The following TCF4 variants were observed in gnomAD, a reference collection of about 807,000 sequenced individuals.
The protein encoded by TCF4 is transcription factor 4, also known as SL3-3 enhancer factor 2.
In TCF4, 3 loss-of-function variants were observed where a neutral mutation model predicts 82.1. The ratio of observed to expected loss-of-function variants is 0.04; its 90% CI spans 0.02 to 0.09. The LOEUF (loss-of-function observed/expected upper bound fraction) is 0.09, where lower values mean the gene tolerates loss of function less well. Among genes scored for constraint, TCF4 ranks in the 10% least tolerant of loss-of-function variants. The pLI is 1.00. For missense variants in TCF4, 518 were observed against 852.7 expected (o/e 0.61, Z 4.89); for synonymous variants, 276 against 309.6 (o/e 0.89, Z 1.14).
intron 5 of TCF4, among the ~76,000 whole-genome samples, chr18:55,455,617 C>T (rs545481470): frequency 3.3e-5 from 5 of 151,842 alleles, no homozygotes; most frequent in African/African-American, 4.8e-5. Context: ...CCTAATTTCG[C>T]TGCATTTAAA....
Position 55,223,946 on chromosome 18 carries a change from CA to C in TCF4, c.*4088del. 6.6e-6 allele frequency: 1 copy of C among 151,840 alleles called. No homozygotes were observed. The highest frequency in any genetic ancestry group is 6.6e-5 in the Admixed American group (1 of 15,258). 9.4% of individuals were successfully genotyped at this position (151,840 alleles called of 1,614,324 possible). ...TACTCATAATGATTCCAAAAATCTA[CA>C]AAGAAGAAATATTCAGAATCTGACA... is the stretch of plus-strand genomic sequence containing the variant. On this transcript the variant is annotated 3_prime_UTR_variant, in exon 20 of 20. Transcript: ENST00000354452.
At chr18:55,493,436 C>G (rs979454618) in intron 3 of TCF4, among the ~76,000 whole-genome samples, 1 of 152,044 alleles carries the variant, frequency 6.6e-6, no homozygotes, top group African/African-American at 2.4e-5. Context: ...ATTAACATGT[C>G]TTGAAACAAG....
chr18:55,257,420 A>G (rs1252455269), intron 13 of TCF4, 29 bp from the exon 14 acceptor site: 3 of 1,607,354 alleles, frequency 1.9e-6, no homozygotes, highest in Non-Finnish European at 2.6e-6. Flanking sequence ...TTACAATCAG[A>G]TCTAGACACA....
intron 2 of TCF4, among the ~76,000 whole-genome samples, chr18:55,598,285 G>A (rs932332818): frequency 1.9e-4 from 29 of 152,192 alleles, no homozygotes; most frequent in African/African-American, 6.8e-4. Flanking sequence ...AGATGAGAAG[G>A]CTAGAGAGTA....
chr18:55,403,353 T>C, intron 6 of TCF4, 101 bp downstream of exon 6: 1 of 1,338,662 alleles, frequency 7.5e-7, no homozygotes, highest in Non-Finnish European at 1.1e-6. Context: ...TGCCGGTGCA[T>C]CTTTGGTGTC....
chr18:55,272,306 C>G (rs1427212177), intron 10 of TCF4, among the ~76,000 whole-genome samples: 1 of 152,040 alleles, frequency 6.6e-6, no homozygotes, highest in African/African-American at 2.4e-5. Context: ...ATCTTGAAAA[C>G]TACTGTCATT....
intron 2 of TCF4, among the ~76,000 whole-genome samples, chr18:55,615,760 A>G (rs1297746260): frequency 6.6e-6 from 1 of 151,994 alleles, no homozygotes; most frequent in Non-Finnish European, 1.5e-5. Flanking sequence ...CATCAAATGA[A>G]TTTTCTTTAA....
chr18:55,596,544 T>TA (rs2097691118), intron 2 of TCF4, among the ~76,000 whole-genome samples: 1 of 152,234 alleles, frequency 6.6e-6, no homozygotes, highest in South Asian at 2.1e-4. Context: ...ATATGTCGAC[T>TA]AAAGTGTTAA....
intron 6 of TCF4, among the ~76,000 whole-genome samples, chr18:55,399,880 T>TCTCACACACA (rs1283846701): frequency 1.6e-5 from 1 of 63,468 alleles, no homozygotes; most frequent in Non-Finnish European, 2.9e-5. Context: ...TCTCTCTCTC[T>TCTCACACACA]CACACACACA....
At chr18:55,267,653 T>G (rs2059491626) in intron 11 of TCF4, 1 of 152,200 alleles carries the variant, frequency 6.6e-6, no homozygotes, top group Non-Finnish European at 1.5e-5. Context: ...TGCATAATAA[T>G]AAAGGTTTGC....
At chr18:55,429,934 G>A (rs552379955) in intron 5 of TCF4, among the ~76,000 whole-genome samples, 2 of 152,144 alleles carry the variant, frequency 1.3e-5, no homozygotes, top group African/African-American at 4.8e-5. Flanking sequence ...TCACAGACAC[G>A]TAATGGTTGC....
chr18:55,382,693 A>G (rs2092109806), intron 6 of TCF4, among the ~76,000 whole-genome samples: 1 of 152,202 alleles, frequency 6.6e-6, no homozygotes, highest in South Asian at 2.1e-4. Context: ...CTAATAATAA[A>G]CATAAATAAG....
At chr18:55,303,982 C>T (rs561951201) in intron 8 of TCF4, among the ~76,000 whole-genome samples, 5 of 152,130 alleles carry the variant, frequency 3.3e-5, no homozygotes, top group East Asian at 3.9e-4. Flanking sequence ...TTCCTTTCTA[C>T]GGTGTAAACA....
At chr18:55,281,569 T>C (rs2062613321) in intron 8 of TCF4, among the ~76,000 whole-genome samples, 1 of 152,116 alleles carries the variant, frequency 6.6e-6, no homozygotes, top group Non-Finnish European at 1.5e-5. Context: ...TATTATTAAA[T>C]CATCTTATGT....
At chr18:55,285,425 T>C (rs1168569646) in intron 8 of TCF4, among the ~76,000 whole-genome samples, 1 of 152,226 alleles carries the variant, frequency 6.6e-6, no homozygotes, top group African/African-American at 2.4e-5. Context: ...ATTAATTCTA[T>C]CTCATAAGAG....
At chr18:55,254,788 C>A (rs770661736) in intron 14 of TCF4, 88 bp from the exon 15 acceptor site, 4 of 1,153,930 alleles carry the variant, frequency 3.5e-6, no homozygotes, top group Non-Finnish European at 5.1e-6. Context: ...ACAAAAAACA[C>A]ACTGTGTTTC....
At chr18:55,230,099 C>G (rs1376874836) in intron 17 of TCF4, 1 of 138,932 alleles carries the variant, frequency 7.2e-6, no homozygotes, top group African/African-American at 2.7e-5. Context: ...GAGATGTGAT[C>G]AGGCCACTGC....
intron 4 of TCF4, 27 bp downstream of exon 4, chr18:55,464,049 G>A (rs768665160): frequency 9.3e-6 from 15 of 1,609,602 alleles, no homozygotes; most frequent in South Asian, 3.3e-5. Flanking sequence ...ATGTCTGGTT[G>A]TGGGAGAAAA....
chr18:55,331,477 T>C lies in TCF4; in HGVS notation c.549+18882A>G, dbSNP rs75352665. Among the ~76,000 whole-genome samples the C allele has an allele frequency of 6.6e-3, 1,012 of 152,318 alleles. 13 individuals carry two copies. Among genetic ancestry groups the C allele is most frequent in the African/African-American group, 0.022 (932 of 41,572 alleles). On this transcript the variant is annotated intron_variant, in intron 8 of 19. Transcript: ENST00000354452. ...CTCCAACAATATAATCTGCACACAA[T>C]AGGAGCTCAATCACACTTTGCTCAT...
Sources: allele counts gnomAD v4.1 joint callset (sites outside exome capture counted in the v4.1 genomes callset), GRCh38; gene constraint gnomAD v4.1.1; transcripts MANE v1.5; gene names NCBI Gene and HGNC (gene_info 2026-07-23, HGNC 2026-07-21).